Variants in EPHX2 observed in about 807,000 individuals in gnomAD.
The protein encoded by EPHX2 is epoxide hydrolase 2.
EPHX2 carries 74 observed loss-of-function variants against 78.7 expected under a neutral mutation model. The observed-to-expected ratio is 0.94, with a 90% CI of 0.78 to 1.14. The LOEUF is 1.14. EPHX2 is among the 50% of genes most tolerant of loss of function. EPHX2 has a pLI of 0.00. For synonymous variants in EPHX2, 251 were observed against 255.2 expected (o/e 0.98, Z 0.16); for missense variants, 715 against 702.5 (o/e 1.02, Z -0.20).
At chr8:27,493,772 T>C (rs1813472663) in intron 1 of EPHX2, among the ~76,000 whole-genome samples, 1 of 152,148 alleles carries the variant, frequency 6.6e-6, no homozygotes, top group African/African-American at 2.4e-5. Flanking sequence ...AAACTGGTTG[T>C]GTATGTTAAA....
chr8:27,547,745 C>CT (rs1297547491), downstream of EPHX2, among the ~76,000 whole-genome samples: 2 of 152,138 alleles, frequency 1.3e-5, no homozygotes, highest in African/African-American at 4.8e-5. Context: ...CTCCATTCTA[C>CT]TTTTTACTTC....
chr8:27,544,608 C>A lies in EPHX2; in HGVS notation c.*86C>A, dbSNP rs1815527344. 2.2e-6 allele frequency: 3 copies of A among 1,364,376 alleles called. No individual in the cohort carries two copies. The South Asian group carries it at 3.5e-5, about 16-fold the overall frequency. The allele number at this position is 1,364,376 out of a possible 1,614,324, so 84.5% of individuals were successfully genotyped here. The stretch of plus-strand genomic sequence containing the variant: ...CTTAGTATACAGAGGTGGCCTTACA[C>A]ACATCTTGCATGGATGGCAGCATTG... On this transcript the variant is annotated 3_prime_UTR_variant, in exon 19 of 19. Transcript: ENST00000521400.
intron 1 of EPHX2, among the ~76,000 whole-genome samples, chr8:27,497,672 G>A (rs1471789765): frequency 2.0e-5 from 3 of 152,178 alleles, no homozygotes; most frequent in Non-Finnish European, 2.9e-5. Context: ...ATTGACCCTC[G>A]AGGGAGTCAG....
At chr8:27,520,983 C>T (rs1814625124) in intron 10 of EPHX2, 74 bp downstream of exon 10, 6 of 1,595,684 alleles carry the variant, frequency 3.8e-6, no homozygotes, top group African/African-American at 1.3e-5. Context: ...AAGGCGTCAG[C>T]CTCGAGCAGA....
chr8:27,543,785 G>T lies in EPHX2; in HGVS notation c.1486G>T (p.Asp496Tyr). The T allele has an allele frequency of 6.2e-7, 1 of 1,614,104 alleles. No homozygotes were observed. Among genetic ancestry groups the T allele is most frequent in the South Asian group, 1.1e-5 (1 of 91,078 alleles). Residue 496 changes from aspartate to tyrosine, a missense_variant, in exon 17 of 19, where the codon GAC (aspartate) becomes TAC (tyrosine). Asp to Tyr is a radical substitution (Grantham distance 160). Transcript: ENST00000521400. ...GGCCCTGATGGTCACGGCGGAGAAGGACTTCGTGCTCGTTCCTCAGATGTC... is the reference window on the plus strand; with the variant it reads ...GGCCCTGATGGTCACGGCGGAGAAGTACTTCGTGCTCGTTCCTCAGATGTC... ...IPALMVTAEK[D>Y]FVLVPQMSQH...
At chr8:27,491,339 G>C in intron 1 of EPHX2, 30 bp downstream of exon 1, 3 of 1,441,612 alleles carry the variant, frequency 2.1e-6, no homozygotes, top group Non-Finnish European at 2.7e-6. Flanking sequence ...CCGCCGCAGT[G>C]GGTCGGGGCC....
intron 4 of EPHX2, 36 bp downstream of exon 4, chr8:27,505,182 T>C: frequency 6.2e-7 from 1 of 1,605,584 alleles, no homozygotes; most frequent in Non-Finnish European, 8.5e-7. Flanking sequence ...AGAAGGATGT[T>C]CAGAGATATT....
rs1473630936 is a variant in EPHX2, at chr8:27,545,314, C to T, written c.*792C>T. The T allele has an allele frequency of 2.0e-5, 3 of 152,586 alleles. No homozygotes were observed. Among genetic ancestry groups the T allele is most frequent in the Middle Eastern group, 6.3e-3 (2 of 316 alleles). 9.5% of individuals were successfully genotyped at this position (152,586 alleles called of 1,614,324 possible). On this transcript the variant is annotated 3_prime_UTR_variant, in exon 19 of 19. Transcript: ENST00000521400. ...AGGCAGATCCAGCTCATCTTCCCCT[C>T]TGCCCCCTCCTCCCTATCTTCCCCT... is the stretch of plus-strand genomic sequence containing the variant.
At chr8:27,511,051 T>A (rs1267386296) in intron 5 of EPHX2, among the ~76,000 whole-genome samples, 1 of 152,180 alleles carries the variant, frequency 6.6e-6, no homozygotes, top group Admixed American at 6.5e-5. Context: ...GATGGCCATC[T>A]GCAAGCCAGG....
downstream of EPHX2, among the ~76,000 whole-genome samples, chr8:27,546,085 C>T (rs1421103095): frequency 2.0e-5 from 3 of 150,252 alleles, no homozygotes; most frequent in Admixed American, 6.6e-5. Flanking sequence ...GTTCTCGTCG[C>T]GCCACTGCAC....
chr8:27,518,116 TG>T (rs1230490673), intron 9 of EPHX2, 44 bp downstream of exon 9: 15 of 1,568,006 alleles, frequency 9.6e-6, no homozygotes, highest in Non-Finnish European at 1.3e-5. Context: ...CTGCGATTTT[TG>T]TTGCTATAAA....
chr8:27,519,468 C>T (rs1209513091), intron 9 of EPHX2, among the ~76,000 whole-genome samples: 2 of 152,226 alleles, frequency 1.3e-5, no homozygotes, highest in Non-Finnish European at 2.9e-5. Context: ...CTCTACAGGG[C>T]AGCTGTCTTC....
intron 9 of EPHX2, among the ~76,000 whole-genome samples, chr8:27,520,248 C>T (rs1814599499): frequency 1.3e-5 from 2 of 151,878 alleles, no homozygotes; most frequent in African/African-American, 2.4e-5. Context: ...TCACTGCAAC[C>T]TCCGCCTCCT....
At chr8:27,538,033 T>C (rs900788160) in intron 13 of EPHX2, among the ~76,000 whole-genome samples, 3 of 152,224 alleles carry the variant, frequency 2.0e-5, no homozygotes, top group African/African-American at 7.2e-5. Context: ...GTTGTTATTG[T>C]TGTTGTTGTT....
intron 1 of EPHX2, 26 bp from the exon 2 acceptor site, chr8:27,500,900 T>A (rs1813741185): frequency 6.3e-7 from 1 of 1,599,516 alleles, no homozygotes; most frequent in Admixed American, 1.7e-5. Flanking sequence ...CCACAGAATG[T>A]TCCTGATGTT....
At chr8:27,534,291 C>T (rs1390243535) in intron 12 of EPHX2, among the ~76,000 whole-genome samples, 1 of 152,180 alleles carries the variant, frequency 6.6e-6, no homozygotes, top group Admixed American at 6.5e-5. Context: ...ATCAATGTCT[C>T]CATTCTTCTG....
At position 27,501,006 on chromosome 8, in the gene EPHX2, C is replaced by G. The variant is rs1242981421; in HGVS notation, c.182C>G (p.Ser61Cys). Residue 61 changes from serine to cysteine, a missense_variant, in exon 2 of 19, where the codon TCC becomes TGC. Ser to Cys is a moderately radical substitution (Grantham distance 112). Coordinates refer to ENST00000521400, the MANE Select transcript of EPHX2 (RefSeq NM_001979.6). The stretch of plus-strand genomic sequence containing the variant: ...CTTATGAAAGGAGAGATCACACTTT[C>G]CCAGGTGAGGGGACATCACCACACA... ...TRLMKGEITLSQWIPLMEENC... is the reference protein window; with the variant it reads ...TRLMKGEITLCQWIPLMEENC... 1 of 1,613,136 alleles carries G rather than the reference C, an allele frequency of 6.2e-7. No individual in the cohort carries two copies. Among genetic ancestry groups the G allele is most frequent in the Non-Finnish European group, 8.5e-7 (1 of 1,179,484 alleles).
chr8:27,522,601 T>A (rs1184318903), intron 11 of EPHX2, 93 bp downstream of exon 11: 1 of 1,302,766 alleles, frequency 7.7e-7, no homozygotes, highest in Middle Eastern at 1.9e-4. Flanking sequence ...AGAAAACTTC[T>A]CAAAAACAAG....
intron 14 of EPHX2, chr8:27,539,199 T>C (rs1815314056): frequency 6.4e-6 from 1 of 156,170 alleles, no homozygotes; most frequent in African/African-American, 2.4e-5. Flanking sequence ...CTCATCCCCA[T>C]GGCCCCTAGA....
Sources: gnomAD v4.1 joint callset for allele counts (sites outside exome capture counted in the v4.1 genomes callset) on GRCh38, gnomAD v4.1.1 for gene constraint, MANE v1.5 for transcripts, NCBI Gene and HGNC (gene_info 2026-07-23, HGNC 2026-07-21) for gene names.